The following FOXP1 variants were observed in gnomAD, a reference collection of about 807,000 sequenced individuals.
The protein encoded by FOXP1 is forkhead box P1.
FOXP1 carries 15 observed loss-of-function variants against 98.2 expected under a neutral mutation model. The observed-to-expected ratio is 0.15, with a 90% CI of 0.10 to 0.24. The LOEUF is 0.24. FOXP1 is among the 10% of genes least tolerant of loss of function. FOXP1 has a pLI of 1.00. For synonymous variants in FOXP1, 371 were observed against 314.5 expected, an observed-to-expected ratio of 1.18 and a Z score of -1.90; for missense variants, 633 against 848.5, an observed-to-expected ratio of 0.75 and a Z score of 3.15.
chr3:71,233,528 G>C (rs2066509431), intron 5 of FOXP1, among the ~76,000 whole-genome samples: 2 of 151,154 alleles, frequency 1.3e-5, no homozygotes, highest in Non-Finnish European at 2.9e-5. Flanking sequence ...CGGGGTTCAA[G>C]AGATTCTCTC....
At chr3:71,498,538 T>C (rs541186724) in intron 2 of FOXP1, among the ~76,000 whole-genome samples, 7 of 152,336 alleles carry the variant, frequency 4.6e-5, no homozygotes, top group Admixed American at 1.3e-4. Context: ...TTGGCCTCCA[T>C]GGCCTAAATG....
intron 6 of FOXP1, among the ~76,000 whole-genome samples, chr3:71,125,729 G>A (rs1228414555): frequency 6.6e-6 from 1 of 152,188 alleles, no homozygotes; most frequent in African/African-American, 2.4e-5. Context: ...GATTCTCTGG[G>A]AATATGGGGG....
intron 3 of FOXP1, among the ~76,000 whole-genome samples, chr3:71,413,322 A>G (rs1282241495): frequency 6.7e-6 from 1 of 149,286 alleles, no homozygotes; most frequent in African/African-American, 2.5e-5. Flanking sequence ...GGAACTGGCT[A>G]AATAAATGAC....
At position 71,313,684 on chromosome 3, in the gene FOXP1, C is replaced by T. The variant is rs112560838; in HGVS notation, c.-72-13804G>A. 7.0e-3 allele frequency among the ~76,000 whole-genome samples: 1,069 copies of T among 151,930 alleles called. 19 individuals carry two copies. The highest frequency in any genetic ancestry group is 0.025 in the African/African-American group (1,022 of 41,410). On this transcript the variant is annotated intron_variant, in intron 4 of 20. Transcript: ENST00000649528. Reference sequence around the variant, plus strand: ...GGGACTACAGGCACCAGCCACCATGCCCGGCTAATTTTTTGTATTTTTAGT... The same window carrying T: ...GGGACTACAGGCACCAGCCACCATGTCCGGCTAATTTTTTGTATTTTTAGT...
intron 3 of FOXP1, among the ~76,000 whole-genome samples, chr3:71,430,944 C>T (rs2084657853): frequency 6.6e-6 from 1 of 152,104 alleles, no homozygotes; most frequent in Non-Finnish European, 1.5e-5. Context: ...GGCACCTGTA[C>T]CAATGGGCCC....
chr3:71,537,275 T>C (rs1382912149), intron 2 of FOXP1, among the ~76,000 whole-genome samples: 1 of 151,942 alleles, frequency 6.6e-6, no homozygotes, highest in Non-Finnish European at 1.5e-5. Flanking sequence ...GGATTTAGGG[T>C]CAAAAGGTGG....
chr3:71,130,124 T>C (rs892775590), intron 6 of FOXP1, among the ~76,000 whole-genome samples: 3 of 152,162 alleles, frequency 2.0e-5, no homozygotes. Flanking sequence ...CCACATTCTC[T>C]TACTACTTGT....
At chr3:71,096,250 A>G (rs1046379937) in intron 7 of FOXP1, among the ~76,000 whole-genome samples, 6 of 152,226 alleles carry the variant, frequency 3.9e-5, no homozygotes, top group African/African-American at 1.4e-4. Flanking sequence ...AAATGTACTT[A>G]GCTGTCTTCT....
intron 4 of FOXP1, among the ~76,000 whole-genome samples, chr3:71,337,559 T>C (rs182283922): frequency 1.3e-5 from 2 of 152,336 alleles, no homozygotes; most frequent in East Asian, 1.9e-4. Context: ...GCTATACATA[T>C]ATTATCTCAA....
At chr3:71,459,114 T>C (rs1238695020) in intron 3 of FOXP1, among the ~76,000 whole-genome samples, 1 of 152,212 alleles carries the variant, frequency 6.6e-6, no homozygotes, top group Non-Finnish European at 1.5e-5. Context: ...GTGACTTTTC[T>C]TGTCAAATGA....
intron 2 of FOXP1, among the ~76,000 whole-genome samples, chr3:71,496,922 T>C (rs990623035): frequency 1.6e-4 from 24 of 151,534 alleles, no homozygotes; most frequent in Admixed American, 4.6e-4. Context: ...ACCAGGCATA[T>C]CTAAAAATAA....
rs182312203 is a variant in FOXP1 at position 71,546,386 on chromosome 3, C to T, written c.-298+35163G>A. Among the ~76,000 whole-genome samples, 304 of 152,202 alleles carry T rather than the reference C, an allele frequency of 2.0e-3. 1 individual carries two copies. Among genetic ancestry groups the T allele is most frequent in the African/African-American group, 6.4e-3 (266 of 41,542 alleles). The stretch of plus-strand genomic sequence containing the variant: ...TAGAGAAAGGTGTGACCCACAAAAC[C>T]GAAGAGCTATTTTCAGGTCCTTAAT... On this transcript the variant is annotated intron_variant, in intron 2 of 20. Transcript: ENST00000649528.
At chr3:71,025,533 G>A (rs540660943) in intron 11 of FOXP1, among the ~76,000 whole-genome samples, 4 of 152,216 alleles carry the variant, frequency 2.6e-5, no homozygotes, top group East Asian at 1.9e-4. Context: ...GGTGGCACTG[G>A]GCAACCTCCC....
chr3:71,102,495 A>C (rs914311563), intron 7 of FOXP1, among the ~76,000 whole-genome samples: 2 of 152,100 alleles, frequency 1.3e-5, no homozygotes, highest in Non-Finnish European at 2.9e-5. Context: ...TCGGTACACA[A>C]ATTTCCCAAA....
intron 4 of FOXP1, among the ~76,000 whole-genome samples, chr3:71,311,148 G>A (rs573584419): frequency 1.3e-5 from 2 of 152,068 alleles, no homozygotes; most frequent in African/African-American, 4.8e-5. Context: ...GCAGTGGCAC[G>A]ATCATGACTC....
At chr3:71,544,768 G>T (rs905370650) in intron 2 of FOXP1, among the ~76,000 whole-genome samples, 12 of 152,146 alleles carry the variant, frequency 7.9e-5, no homozygotes, top group African/African-American at 2.7e-4. Context: ...CACAACTGTT[G>T]TAAGTTACCA....
intron 5 of FOXP1, among the ~76,000 whole-genome samples, chr3:71,257,928 T>C (rs1408907741): frequency 6.6e-6 from 1 of 152,176 alleles, no homozygotes; most frequent in African/African-American, 2.4e-5. Flanking sequence ...AACTCACTCA[T>C]AAGCTACTTG....
intron 12 of FOXP1, among the ~76,000 whole-genome samples, chr3:71,010,774 GAATCCAGC>G (rs2043477517): frequency 6.6e-6 from 1 of 152,070 alleles, no homozygotes; most frequent in Non-Finnish European, 1.5e-5. Context: ...CAGGATCTAT[GAATCCAGC>G]AATCTGAGCA....
intron 6 of FOXP1, among the ~76,000 whole-genome samples, chr3:71,181,462 G>A (rs1298727690): frequency 6.6e-6 from 1 of 152,236 alleles, no homozygotes. Flanking sequence ...GTGAGGCTGT[G>A]AGAGATGGCA....
Sources: gnomAD v4.1 joint callset for allele counts (sites outside exome capture counted in the v4.1 genomes callset) on GRCh38, gnomAD v4.1.1 for gene constraint, MANE v1.5 for transcripts, NCBI Gene and HGNC (gene_info 2026-07-23, HGNC 2026-07-21) for gene names.